Variants in FIP1L1 observed in about 807,000 individuals in gnomAD.
The protein encoded by FIP1L1 is pre-mRNA 3'-end-processing factor FIP1.
FIP1L1 carries 21 observed loss-of-function variants against 84.6 expected under a neutral mutation model. That is an observed-to-expected ratio of 0.25 (90% CI 0.18 to 0.36). The LOEUF (loss-of-function observed/expected upper bound fraction) is 0.36. Among genes scored for constraint, FIP1L1 ranks in the 10% least tolerant of loss-of-function variants. The probability of loss-of-function intolerance (pLI) is 1.00; values close to 1 mark genes in which losing one functional copy is unlikely to be tolerated. For synonymous variants in FIP1L1, 263 were observed against 242.3 expected (o/e 1.09, Z -0.80); for missense variants, 526 against 751.1 (o/e 0.70, Z 3.50).
intron 4 of FIP1L1, 74 bp from the exon 5 acceptor site, chr4:53,383,699 T>C: frequency 7.2e-7 from 1 of 1,394,636 alleles, no homozygotes; most frequent in Non-Finnish European, 9.6e-7. Context: ...GGGTGGTTAC[T>C]TTTTTTAGTT....
chr4:53,452,420 G>C (rs1716632097), intron 15 of FIP1L1, among the ~76,000 whole-genome samples: 1 of 152,022 alleles, frequency 6.6e-6, no homozygotes. Flanking sequence ...CCGGGTTCAA[G>C]TGATTCTCCT....
chr4:53,443,961 T>C, intron 14 of FIP1L1, 87 bp from the exon 15 acceptor site: 1 of 787,522 alleles, frequency 1.3e-6, no homozygotes, highest in Admixed American at 2.3e-5. Context: ...AAGTTGTAAT[T>C]TTGCCTTGTT....
At chr4:53,412,525 A>G (rs1757678067) in intron 10 of FIP1L1, among the ~76,000 whole-genome samples, 1 of 152,100 alleles carries the variant, frequency 6.6e-6, no homozygotes, top group South Asian at 2.1e-4. Flanking sequence ...TTAGAAGAGT[A>G]CAATCTAGTT....
At chr4:53,390,922 T>G in intron 7 of FIP1L1, 87 bp from the exon 8 acceptor site, 1 of 1,113,290 alleles carries the variant, frequency 9.0e-7, no homozygotes, top group Non-Finnish European at 1.2e-6. Flanking sequence ...AACTCTAAAT[T>G]TATATTTTTA....
chr4:53,407,904 T>G (rs1008691075), intron 10 of FIP1L1, among the ~76,000 whole-genome samples: 1 of 152,182 alleles, frequency 6.6e-6, no homozygotes, highest in Non-Finnish European at 1.5e-5. Context: ...ATGTGAGATG[T>G]GTTTCCTGAA....
chr4:53,394,419 C>T (rs1394244179), intron 9 of FIP1L1, among the ~76,000 whole-genome samples: 2 of 152,110 alleles, frequency 1.3e-5, no homozygotes, highest in African/African-American at 4.8e-5. Context: ...TTTTCACATT[C>T]CCTGATGTCA....
At chr4:53,393,764 G>GCACCCC (rs1745637529) in intron 9 of FIP1L1, among the ~76,000 whole-genome samples, 2 of 87,950 alleles carry the variant, frequency 2.3e-5, no homozygotes, top group African/African-American at 8.0e-5. Flanking sequence ...TTTCCCCCCG[G>GCACCCC]CCCCCCCCCC....
At chr4:53,454,033 A>G (rs1238001912) in intron 16 of FIP1L1, among the ~76,000 whole-genome samples, 1 of 152,112 alleles carries the variant, frequency 6.6e-6, no homozygotes, top group African/African-American at 2.4e-5. Context: ...GGGTTTTCCT[A>G]TTAGTCTTTC....
intron 1 of FIP1L1, 77 bp from the exon 2 acceptor site, chr4:53,378,996 A>C (rs1736304296): frequency 7.0e-7 from 1 of 1,427,716 alleles, no homozygotes; most frequent in African/African-American, 1.4e-5. Context: ...ATAGCAGTAA[A>C]GTCTGATTTT....
At chr4:53,414,363 C>T (rs1326217095) in intron 10 of FIP1L1, among the ~76,000 whole-genome samples, 2 of 151,990 alleles carry the variant, frequency 1.3e-5, no homozygotes, top group Non-Finnish European at 2.9e-5. Context: ...GTTCTTTTCT[C>T]ATTTCTGCAT....
intron 10 of FIP1L1, among the ~76,000 whole-genome samples, chr4:53,413,712 G>C (rs1421378838): frequency 1.3e-5 from 2 of 152,028 alleles, no homozygotes. Context: ...CTACAGAGTT[G>C]TTATATTAAG....
chr4:53,441,093 G>A (rs954607128), intron 13 of FIP1L1: 1 of 153,340 alleles, frequency 6.5e-6, no homozygotes, highest in African/African-American at 2.4e-5. Context: ...TTAGAGTGGT[G>A]ATTGTTTATT....
intron 9 of FIP1L1, among the ~76,000 whole-genome samples, chr4:53,399,072 T>A (rs1178146652): frequency 1.3e-5 from 2 of 152,238 alleles, no homozygotes; most frequent in East Asian, 3.9e-4. Flanking sequence ...AGAATCACTT[T>A]AACCCAGGAG....
intron 9 of FIP1L1, among the ~76,000 whole-genome samples, chr4:53,393,220 A>G (rs906893629): frequency 6.6e-6 from 1 of 152,118 alleles, no homozygotes; most frequent in African/African-American, 2.4e-5. Context: ...TGAAACAGAT[A>G]GGGAGCTGTT....
At chr4:53,378,039 C>T (rs575681000) in intron 1 of FIP1L1, 116 bp downstream of exon 1, 2 of 956,982 alleles carry the variant, frequency 2.1e-6, no homozygotes, top group African/African-American at 1.7e-5. Flanking sequence ...GTTGGGAGTC[C>T]TGTCCGGCCT....
At chr4:53,418,404 C>A (rs1187273297) in intron 11 of FIP1L1, among the ~76,000 whole-genome samples, 1 of 152,172 alleles carries the variant, frequency 6.6e-6, no homozygotes, top group African/African-American at 2.4e-5. Context: ...ATTCTTCAAG[C>A]CAAATCTGTA....
At chr4:53,393,344 T>A (rs540500658) in intron 9 of FIP1L1, among the ~76,000 whole-genome samples, 8 of 152,328 alleles carry the variant, frequency 5.3e-5, no homozygotes, top group African/African-American at 1.9e-4. Flanking sequence ...CAAATAGAAT[T>A]TTTTCATCCT....
At chr4:53,451,047 A>T (rs1579159549) in intron 15 of FIP1L1, among the ~76,000 whole-genome samples, 1 of 147,592 alleles carries the variant, frequency 6.8e-6, no homozygotes, top group South Asian at 2.1e-4. Flanking sequence ...TGCAAGCTCC[A>T]CCTTCCTGGT....
intron 13 of FIP1L1, among the ~76,000 whole-genome samples, chr4:53,430,900 T>C (rs1560556753): frequency 6.6e-6 from 1 of 152,210 alleles, no homozygotes; most frequent in East Asian, 1.9e-4. Flanking sequence ...GTTTAAGCAG[T>C]ACCTAACTGG....
Sources: gnomAD v4.1 joint callset for allele counts (sites outside exome capture counted in the v4.1 genomes callset) on GRCh38, gnomAD v4.1.1 for gene constraint, MANE v1.5 for transcripts, NCBI Gene and HGNC (gene_info 2026-07-23, HGNC 2026-07-21) for gene names.